The following IRAG2 variants were observed in gnomAD, a reference collection of about 807,000 sequenced individuals.
IRAG2 encodes lymphoid restricted membrane protein.
IRAG2 carries 45 observed loss-of-function variants against 69.9 expected under a neutral mutation model. That is an observed-to-expected ratio of 0.64 (90% CI 0.51 to 0.83). The LOEUF (loss-of-function observed/expected upper bound fraction) is 0.83. Among genes scored for constraint, IRAG2 ranks in the 40% least tolerant of loss-of-function variants. The probability of loss-of-function intolerance (pLI) is 0.00; values close to 1 mark genes in which losing one functional copy is unlikely to be tolerated. For synonymous variants in IRAG2, 193 were observed against 202.4 expected, an observed-to-expected ratio of 0.95 and a Z score of 0.40; for missense variants, 520 against 587.0, an observed-to-expected ratio of 0.89 and a Z score of 1.18.
Position 25,004,500 on chromosome 12 carries a change from CA to C in IRAG2, c.161del (p.Lys54ArgfsTer8), listed in dbSNP as rs1367749250. On this transcript the variant is annotated frameshift_variant, in exon 1 of 39. Transcript: ENST00000636465. LOFTEE classifies it high-confidence loss of function. Reference sequence around the variant, plus strand: ...GTTTTGATAGCCCACAGACGAACACCAAGAAATATTTTGAAGAGGTACTGAG... The same window carrying C: ...GTTTTGATAGCCCACAGACGAACACCAGAAATATTTTGAAGAGGTACTGAG... 1 of 1,231,936 alleles carries C rather than the reference CA, an allele frequency of 8.1e-7. No individual in the cohort carries two copies. The highest frequency in any genetic ancestry group is 1.0e-6 in the Non-Finnish European group (1 of 987,950). The allele number at this position is 1,231,936 out of a possible 1,614,324, so 76.3% of individuals were successfully genotyped here. A position where few individuals can be genotyped will look rare whatever the true frequency, so the allele number is the denominator to read the frequency against.
In IRAG2 at chr12:25,020,754, G is replaced by A. The variant is rs1157392666; in HGVS notation, c.1215-36G>A. Reference sequence around the variant, plus strand: ...TAGTGTCTTTGACGGTTATATTTGAGGTTTTGCTCATGGCCTTCTCCCCCC... The same window carrying A: ...TAGTGTCTTTGACGGTTATATTTGAAGTTTTGCTCATGGCCTTCTCCCCCC... On this transcript the variant is annotated intron_variant, in intron 6 of 38. Transcript: ENST00000636465. 5.0e-6 allele frequency: 5 copies of A among 1,000,742 alleles called. No individual in the cohort carries two copies. The African/African-American group carries it at 6.7e-5, about 13-fold the overall frequency. 62.0% of individuals were successfully genotyped at this position (1,000,742 alleles called of 1,614,324 possible). A position where few individuals can be genotyped will look rare whatever the true frequency, so the allele number is the denominator to read the frequency against.
intron 2 of IRAG2, among the ~76,000 whole-genome samples, chr12:25,010,103 A>C (rs749472388): frequency 1.3e-5 from 2 of 152,256 alleles, no homozygotes; most frequent in Non-Finnish European, 2.9e-5. Context: ...CAGAGGGCTT[A>C]GAGTTTCAGT....
At position 25,106,980 on chromosome 12, in the gene IRAG2, G is replaced by T; in HGVS notation, c.1186G>T (p.Val396Leu). Residue 396 changes from valine to leucine, a missense_variant, in exon 21 of 22, where the codon GTA (valine) becomes TTA (leucine). Physicochemically the swap from Val to Leu is conservative, Grantham distance 32 (BLOSUM62 1). Coordinates refer to ENST00000556887, the MANE Select transcript of IRAG2 (RefSeq NM_001366544.2). ...DDSEPSGEETVERTRKPSLSE... is the reference protein window; with the variant it reads ...DDSEPSGEETLERTRKPSLSE... ...CTCAGAGCCATCTGGAGAAGAAACAGTAGAAAGGACAAGGAAGCCAAGTCT... is the reference window on the plus strand; with the variant it reads ...CTCAGAGCCATCTGGAGAAGAAACATTAGAAAGGACAAGGAAGCCAAGTCT... 4 of 1,607,032 alleles carry T rather than the reference G, an allele frequency of 2.5e-6. No homozygotes were observed. The East Asian group carries it at 6.7e-5, about 27-fold the overall frequency.
At chr12:25,008,978 T>C (rs1467719875) in intron 2 of IRAG2, among the ~76,000 whole-genome samples, 1 of 152,166 alleles carries the variant, frequency 6.6e-6, no homozygotes, top group African/African-American at 2.4e-5. Context: ...AACCAATCCA[T>C]GTCAATTGGA....
At chr12:25,008,598 G>C (rs1780451552) in intron 2 of IRAG2, among the ~76,000 whole-genome samples, 1 of 152,134 alleles carries the variant, frequency 6.6e-6, no homozygotes, top group African/African-American at 2.4e-5. Context: ...AATTACCCAG[G>C]CGTGGTGGCA....
At chr12:25,015,633 A>G (rs1018371585) in intron 5 of IRAG2, among the ~76,000 whole-genome samples, 11 of 152,238 alleles carry the variant, frequency 7.2e-5, no homozygotes, top group African/African-American at 2.2e-4. Context: ...TCGTATGACT[A>G]GTAATCCAAA....
At chr12:25,060,243 AGTT>A (rs1396219521) in intron 1 of IRAG2, among the ~76,000 whole-genome samples, 1 of 152,160 alleles carries the variant, frequency 6.6e-6, no homozygotes, top group Non-Finnish European at 1.5e-5. Flanking sequence ...TATCTATTCT[AGTT>A]GTTCAAAAGA....
At chr12:25,038,036 A>G (rs1412313759) in exon 16 of IRAG2, 4 of 398,820 alleles carry the variant, frequency 1.0e-5, no homozygotes, top group Admixed American at 4.4e-5. Context: ...ACATCTTGGG[A>G]AACCACAAAG....
intron 3 of IRAG2, among the ~76,000 whole-genome samples, chr12:25,012,144 C>CT (rs1044436895): frequency 1.6e-4 from 5 of 30,368 alleles, no homozygotes; most frequent in African/African-American, 7.5e-4. Context: ...AGCGAATTCC[C>CT]TTTTTTTTTT....
In IRAG2 at chr12:25,099,723, C is replaced by T. The variant is rs185186564; in HGVS notation, c.742-1455C>T. On this transcript the variant is annotated intron_variant, in intron 15 of 21. Transcript: ENST00000556887. Reference sequence around the variant, plus strand: ...ACTGTGGTTTGAAAGGATGTGTGGCCGGGCGCGGTGACTCACGCCTGTAAT... The same window carrying T: ...ACTGTGGTTTGAAAGGATGTGTGGCTGGGCGCGGTGACTCACGCCTGTAAT... Among the ~76,000 whole-genome samples the T allele has an allele frequency of 4.9e-4, 75 of 152,064 alleles. 1 individual carries two copies. The highest frequency in any genetic ancestry group is 1.6e-3 in the African/African-American group (66 of 41,456).
Position 25,079,296 on chromosome 12 carries a change from C to T in IRAG2, c.71+6C>T, listed in dbSNP as rs762563213. On this transcript the variant is annotated splice_donor_region_variant and intron_variant, in intron 7 of 21. Transcript: ENST00000556887. ...GAGAGCCTGCTGCAGTCCAGGTTTGCTTGTTTGTGTTGTGTGTGTGAATTT... is the reference window on the plus strand; with the variant it reads ...GAGAGCCTGCTGCAGTCCAGGTTTGTTTGTTTGTGTTGTGTGTGTGAATTT... The T allele has an allele frequency of 3.7e-6, 6 of 1,613,746 alleles. No homozygotes were observed. Among genetic ancestry groups the T allele is most frequent in the Middle Eastern group, 1.6e-4 (1 of 6,082 alleles).
Position 25,102,200 on chromosome 12 carries a change from G to A in IRAG2, c.892G>A (p.Asp298Asn), listed in dbSNP as rs549361819. 6.2e-7 allele frequency: 1 copy of A among 1,612,952 alleles called. No homozygotes were observed. The highest frequency in any genetic ancestry group is 8.5e-7 in the Non-Finnish European group (1 of 1,179,258). The change falls in exon 17 of 22, where the codon GAC (aspartate) becomes AAC (asparagine). Residue 298 changes from aspartate to asparagine, a missense_variant and splice_region_variant. Coordinates refer to ENST00000556887, the MANE Select transcript of IRAG2 (RefSeq NM_001366544.2). Reference sequence around the variant, plus strand: ...TGTCAATGTGTTTTTCCTTTCAGATGACTGCCAAATTAAAAAACGTTCAGC... The same window carrying A: ...TGTCAATGTGTTTTTCCTTTCAGATAACTGCCAAATTAAAAAACGTTCAGC... ...RSFNPLEDDD[D>N]CQIKKRSASL...
rs191680221 is a variant in IRAG2, at chr12:25,066,894, C to T, written c.-59+382C>T. 2.3e-3 allele frequency among the ~76,000 whole-genome samples: 355 copies of T among 152,204 alleles called. 2 individuals are homozygous for T. The highest frequency in any genetic ancestry group is 8.0e-3 in the African/African-American group (333 of 41,546). On this transcript the variant is annotated intron_variant, in intron 5 of 21. Transcript: ENST00000556887. ...CGAACTCTTGGCCTCAAGTGATCTG[C>T]CCTCCTCGGCCTCCCAAAGTGCTGG...
At chr12:25,053,592 T>A (rs1945009319) in intron 1 of IRAG2, among the ~76,000 whole-genome samples, 1 of 152,096 alleles carries the variant, frequency 6.6e-6, no homozygotes, top group African/African-American at 2.4e-5. Context: ...GTTGTCACAT[T>A]ACAGATGTCA....
intron 2 of IRAG2, among the ~76,000 whole-genome samples, chr12:25,009,669 A>G (rs1565524932): frequency 6.6e-6 from 1 of 152,248 alleles, no homozygotes; most frequent in Non-Finnish European, 1.5e-5. Flanking sequence ...CCAGGGATTC[A>G]GTAGATCCAA....
chr12:25,004,389 A>C, exon 1 of IRAG2: 1 of 1,232,182 alleles, frequency 8.1e-7, no homozygotes, highest in Non-Finnish European at 1.0e-6. Flanking sequence ...ACCCAGTGGA[A>C]AGCATCTGTA....
intron 9 of IRAG2, among the ~76,000 whole-genome samples, chr12:25,027,252 C>A (rs950818560): frequency 8.5e-5 from 13 of 152,102 alleles, no homozygotes; most frequent in African/African-American, 3.1e-4. Flanking sequence ...AATCTATTGT[C>A]TGTCTCTATA....
At chr12:25,006,737 G>T (rs1010152731) in intron 2 of IRAG2, among the ~76,000 whole-genome samples, 1 of 152,272 alleles carries the variant, frequency 6.6e-6, no homozygotes, top group Admixed American at 6.5e-5. Flanking sequence ...GGAGGCATGG[G>T]CTGAAAAACT....
intron 9 of IRAG2, among the ~76,000 whole-genome samples, chr12:25,029,478 A>G (rs1038980461): frequency 1.3e-5 from 2 of 152,174 alleles, no homozygotes; most frequent in Admixed American, 6.5e-5. Context: ...AGTGTATAAG[A>G]TTATGGTGAT....
Sources: allele counts gnomAD v4.1 joint callset (sites outside exome capture counted in the v4.1 genomes callset), GRCh38; gene constraint gnomAD v4.1.1; transcripts MANE v1.5; gene names NCBI Gene and HGNC (gene_info 2026-07-23, HGNC 2026-07-21).